The following BACH2 variants were observed in gnomAD, a reference collection of about 807,000 sequenced individuals.
The protein encoded by BACH2 is BACH transcriptional regulator 2.
In BACH2, 5 loss-of-function variants were observed where a neutral mutation model predicts 61.8. The ratio of observed to expected loss-of-function variants is 0.08; its 90% CI spans 0.04 to 0.17. BACH2 has a LOEUF of 0.17. BACH2 is among the 10% of genes least tolerant of loss of function. The probability of loss-of-function intolerance (pLI) is 1.00; values close to 1 mark genes in which losing one functional copy is unlikely to be tolerated. For synonymous variants in BACH2, 446 were observed against 440.1 expected (o/e 1.01, Z -0.17); for missense variants, 824 against 1,091.1 (o/e 0.76, Z 3.45).
At chr6:90,210,637 T>C (rs532346151) in intron 3 of BACH2, among the ~76,000 whole-genome samples, 2 of 152,300 alleles carry the variant, frequency 1.3e-5, no homozygotes, top group Admixed American at 6.5e-5. Context: ...ATCAAGAATG[T>C]TTTCTTTTTT....
intron 5 of BACH2, among the ~76,000 whole-genome samples, chr6:90,028,755 T>A (rs1170567158): frequency 6.6e-6 from 1 of 151,940 alleles, no homozygotes. Context: ...AGTGCAGTGG[T>A]TGTGGATGGA....
chr6:90,052,555 G>A (rs1206088968), intron 5 of BACH2, among the ~76,000 whole-genome samples: 1 of 152,198 alleles, frequency 6.6e-6, no homozygotes, highest in African/African-American at 2.4e-5. Flanking sequence ...GAGCAGTTGG[G>A]ATTACAGGTG....
intron 3 of BACH2, among the ~76,000 whole-genome samples, chr6:90,219,331 C>A (rs1769657539): frequency 6.6e-6 from 1 of 152,196 alleles, no homozygotes; most frequent in African/African-American, 2.4e-5. Context: ...GACCATTAAC[C>A]ATATGTTTGG....
intron 1 of BACH2, among the ~76,000 whole-genome samples, chr6:90,292,567 C>T (rs1582574072): frequency 6.6e-6 from 1 of 152,222 alleles, no homozygotes; most frequent in Admixed American, 6.5e-5. Context: ...GCTGATCAAT[C>T]CCTGAGTGGG....
In BACH2 at chr6:90,089,077, G is replaced by A. The variant is rs1238687531; in HGVS notation, c.-129C>T. The A allele has an allele frequency of 6.6e-6, 1 of 152,254 alleles. No homozygotes were observed. Among genetic ancestry groups the A allele is most frequent in the African/African-American group, 2.4e-5 (1 of 41,410 alleles). 9.4% of individuals were successfully genotyped at this position (152,254 alleles called of 1,614,324 possible). A position where few individuals can be genotyped will look rare whatever the true frequency, so the allele number is the denominator to read the frequency against. ...CAGACATGGACCCCAAAGTTTTGTG[G>A]GGCAACCTTGTGACAGGTCAGTGAG... On this transcript the variant is annotated 5_prime_UTR_variant, in exon 5 of 9. Coordinates refer to ENST00000257749, the MANE Select transcript of BACH2 (RefSeq NM_021813.4).
At chr6:89,961,886 T>TC (rs996339552) in intron 6 of BACH2, among the ~76,000 whole-genome samples, 9 of 152,210 alleles carry the variant, frequency 5.9e-5, no homozygotes, top group African/African-American at 2.2e-4. Context: ...TCACTGTCAC[T>TC]TATTATTTAC....
intron 4 of BACH2, among the ~76,000 whole-genome samples, chr6:90,129,411 T>C (rs1016057453): frequency 6.6e-6 from 1 of 152,082 alleles, no homozygotes; most frequent in Admixed American, 6.6e-5. Context: ...CATGGCGGTT[T>C]GCTGCACCTA....
chr6:90,028,039 T>C (rs1467254713), intron 5 of BACH2, among the ~76,000 whole-genome samples: 1 of 152,202 alleles, frequency 6.6e-6, no homozygotes, highest in Admixed American at 6.5e-5. Flanking sequence ...ATCCAAGACC[T>C]GCAAGAGAAT....
chr6:90,165,424 A>T (rs1006878259), intron 4 of BACH2, among the ~76,000 whole-genome samples: 4 of 152,190 alleles, frequency 2.6e-5, no homozygotes, highest in Non-Finnish European at 5.9e-5. Flanking sequence ...AAACAAATGG[A>T]AGAACATTCC....
chr6:90,027,968 T>C (rs998211223), intron 5 of BACH2, among the ~76,000 whole-genome samples: 2 of 152,228 alleles, frequency 1.3e-5, no homozygotes, highest in Non-Finnish European at 2.9e-5. Context: ...GAATAATGTA[T>C]ATTTTTGTTT....
intron 3 of BACH2, among the ~76,000 whole-genome samples, chr6:90,241,932 TTTC>T (rs1770469139): frequency 6.6e-6 from 1 of 151,606 alleles, no homozygotes; most frequent in African/African-American, 2.4e-5. Context: ...CTATCCTGAT[TTTC>T]TTTTTTTTTT....
At chr6:90,058,872 G>A (rs1780523363) in intron 5 of BACH2, among the ~76,000 whole-genome samples, 1 of 152,212 alleles carries the variant, frequency 6.6e-6, no homozygotes, top group Non-Finnish European at 1.5e-5. Context: ...AAGAAATGGG[G>A]AAAGGATTCC....
intron 4 of BACH2, among the ~76,000 whole-genome samples, chr6:90,146,405 T>G (rs2127828494): frequency 6.6e-6 from 1 of 152,378 alleles, no homozygotes; most frequent in African/African-American, 2.4e-5. Context: ...TCCAGTGGTG[T>G]CTGTCCTCAA....
At chr6:90,004,302 A>T (rs974658798) in intron 6 of BACH2, among the ~76,000 whole-genome samples, 2 of 152,140 alleles carry the variant, frequency 1.3e-5, no homozygotes, top group Non-Finnish European at 2.9e-5. Context: ...ATGTTGAGTG[A>T]GAGAGAGAAA....
intron 3 of BACH2, among the ~76,000 whole-genome samples, chr6:90,247,504 C>G (rs1256635525): frequency 6.6e-6 from 1 of 151,944 alleles, no homozygotes; most frequent in Non-Finnish European, 1.5e-5. Flanking sequence ...GCTGGAATTG[C>G]AGGTGTGAGC....
intron 1 of BACH2, among the ~76,000 whole-genome samples, chr6:90,275,917 C>T (rs866421879): frequency 1.1e-4 from 17 of 150,638 alleles, no homozygotes; most frequent in Middle Eastern, 3.5e-3. Flanking sequence ...TGCAGTGAGC[C>T]GAGATCACAC....
intron 4 of BACH2, among the ~76,000 whole-genome samples, chr6:90,202,318 ATTTCAGTTTTACT>A (rs1473942113): frequency 3.3e-5 from 5 of 152,142 alleles, no homozygotes; most frequent in Non-Finnish European, 7.3e-5. Context: ...TAGAAACTAA[ATTTCAGTTTTACT>A]TTTTAGTTGA....
chr6:90,281,230 A>T (rs1771848990), intron 1 of BACH2, among the ~76,000 whole-genome samples: 1 of 152,226 alleles, frequency 6.6e-6, no homozygotes, highest in Admixed American at 6.5e-5. Flanking sequence ...TGTGGAGGAA[A>T]TAATACCAAG....
At chr6:89,959,109 A>G (rs936782041) in intron 6 of BACH2, among the ~76,000 whole-genome samples, 5 of 63,656 alleles carry the variant, frequency 7.9e-5, no homozygotes, top group Non-Finnish European at 1.8e-4. Flanking sequence ...ACACACACAC[A>G]CACACACACA....
Sources: gnomAD v4.1 joint callset for allele counts (sites outside exome capture counted in the v4.1 genomes callset) on GRCh38, gnomAD v4.1.1 for gene constraint, MANE v1.5 for transcripts, NCBI Gene and HGNC (gene_info 2026-07-23, HGNC 2026-07-21) for gene names.